The following NEK11 variants were observed in gnomAD, a reference collection of about 807,000 sequenced individuals.
The protein encoded by NEK11 is NIMA related kinase 11, also known as serine/threonine-protein kinase Nek11.
Under a neutral mutation model 80.7 loss-of-function variants are expected in NEK11, and 72 were observed. The observed-to-expected ratio is 0.89, with a 90% CI of 0.74 to 1.08. The LOEUF is 1.08. Among genes scored for constraint, NEK11 ranks in the 50% least tolerant of loss-of-function variants. The pLI is 0.00. For synonymous variants in NEK11, 251 were observed against 260.7 expected (o/e 0.96, Z 0.36); for missense variants, 764 against 763.6 (o/e 1.00, Z -0.01).
At chr3:131,174,904 T>TGCTTA (rs2092920313) in intron 14 of NEK11, 1 of 1,469,972 alleles carries the variant, frequency 6.8e-7, no homozygotes, top group Non-Finnish European at 9.0e-7. Context: ...AGGCCTTGGC[T>TGCTTA]GCTTACCCAC....
intron 17 of NEK11, among the ~76,000 whole-genome samples, chr3:131,307,926 G>A (rs2096738801): frequency 6.6e-6 from 1 of 152,244 alleles, no homozygotes; most frequent in Admixed American, 6.5e-5. Context: ...AGTACCTAGA[G>A]AATTTATAAT....
rs189757725 is a variant in NEK11 at position 131,181,611 on chromosome 3, T to C, written c.1399+10724T>C. Among the ~76,000 whole-genome samples the C allele has an allele frequency of 3.9e-5, 6 of 151,994 alleles. No homozygotes were observed. The East Asian group carries it at 1.2e-3, about 29-fold the overall frequency. On this transcript the variant is annotated intron_variant, in intron 14 of 17. Transcript: ENST00000383366. ...AATACAAAAAATTAGCAGGGTGTGGTGGCGGGCGCCTGTAGTCCCAGCTAC... is the reference window on the plus strand; with the variant it reads ...AATACAAAAAATTAGCAGGGTGTGGCGGCGGGCGCCTGTAGTCCCAGCTAC...
Position 131,273,373 on chromosome 3 carries a change from T to C in NEK11, c.1622-105T>C, listed in dbSNP as rs538909874. 5 of 734,662 alleles carry C rather than the reference T, an allele frequency of 6.8e-6. No homozygotes were observed. In the East Asian group the frequency reaches 1.1e-4, roughly 16 times the overall value. The allele number at this position is 734,662 out of a possible 1,614,324, so 45.5% of individuals were successfully genotyped here. Reference sequence around the variant, plus strand: ...ATCTCTAATTAATGTAGCATTACCATGTGGCAAAGGTGGATTAGCTTCTGT... The same window carrying C: ...ATCTCTAATTAATGTAGCATTACCACGTGGCAAAGGTGGATTAGCTTCTGT... On this transcript the variant is annotated intron_variant, in intron 16 of 17. Transcript: ENST00000383366.
chr3:131,195,542 C>T (rs2150323452), intron 14 of NEK11, among the ~76,000 whole-genome samples: 1 of 152,128 alleles, frequency 6.6e-6, no homozygotes, highest in Admixed American at 6.6e-5. Context: ...TGCAGAGAAT[C>T]CTTCCCTGAG....
At chr3:131,163,913 C>T (rs1008099044) in intron 11 of NEK11, among the ~76,000 whole-genome samples, 1 of 152,092 alleles carries the variant, frequency 6.6e-6, no homozygotes, top group African/African-American at 2.4e-5. Context: ...TATCAAATTT[C>T]CAAATTTTTC....
chr3:131,071,213 G>A (rs1016837655), intron 3 of NEK11, among the ~76,000 whole-genome samples: 1 of 152,034 alleles, frequency 6.6e-6, no homozygotes, highest in Non-Finnish European at 1.5e-5. Flanking sequence ...AGCTATTCCA[G>A]CAAGTATGTT....
chr3:131,171,563 A>G (rs1332053473), intron 14 of NEK11, among the ~76,000 whole-genome samples: 4 of 152,242 alleles, frequency 2.6e-5, no homozygotes, highest in African/African-American at 9.6e-5. Flanking sequence ...GCCCTATCAG[A>G]GAAGGCCCTG....
intron 12 of NEK11, 48 bp from the exon 13 acceptor site, chr3:131,168,782 A>G (rs114592630): frequency 0.033 from 47,362 of 1,416,130 alleles, 911 homozygotes; most frequent in Non-Finnish European, 0.039. Flanking sequence ...TAGATGAAGA[A>G]AGACTTGGAA....
intron 5 of NEK11, among the ~76,000 whole-genome samples, chr3:131,115,974 C>CTTTCTTTCTT (rs2081131579): frequency 7.8e-6 from 1 of 127,526 alleles, no homozygotes; most frequent in East Asian, 2.3e-4. Context: ...TTCTTTCTTT[C>CTTTCTTTCTT]TTTCTTTCTT....
chr3:131,050,394 C>T (rs572486927), intron 3 of NEK11, among the ~76,000 whole-genome samples: 3 of 152,246 alleles, frequency 2.0e-5, no homozygotes, highest in South Asian at 2.1e-4. Flanking sequence ...CCCTGCTGGT[C>T]GTGCTGCACG....
At chr3:131,219,491 G>T (rs1580397134) in intron 14 of NEK11, among the ~76,000 whole-genome samples, 1 of 151,452 alleles carries the variant, frequency 6.6e-6, no homozygotes, top group African/African-American at 2.4e-5. Flanking sequence ...AAACCATCAG[G>T]ACGCGTGTGT....
intron 17 of NEK11, among the ~76,000 whole-genome samples, chr3:131,278,640 C>A (rs1392959711): frequency 4.6e-5 from 7 of 152,092 alleles, no homozygotes; most frequent in South Asian, 4.1e-4. Context: ...AAAAAGGAGA[C>A]CCTGTGGAAT....
At chr3:131,174,883 T>C in intron 14 of NEK11, 1 of 1,516,034 alleles carries the variant, frequency 6.6e-7, no homozygotes, top group East Asian at 2.4e-5. Context: ...ATGTGGAGAA[T>C]GCAGTGAAGT....
intron 17 of NEK11, among the ~76,000 whole-genome samples, chr3:131,308,926 A>G (rs1034041564): frequency 2.6e-5 from 4 of 152,292 alleles, no homozygotes; most frequent in South Asian, 2.1e-4. Flanking sequence ...TCTCATAAGG[A>G]GCACGCAACC....
chr3:131,311,641 T>A (rs985326662), intron 17 of NEK11, among the ~76,000 whole-genome samples: 4 of 152,176 alleles, frequency 2.6e-5, no homozygotes, highest in Admixed American at 2.6e-4. Context: ...TATTGCTGAG[T>A]GAATAATGTT....
intron 14 of NEK11, among the ~76,000 whole-genome samples, chr3:131,198,500 G>A (rs1479171199): frequency 1.3e-5 from 2 of 152,186 alleles, no homozygotes; most frequent in Non-Finnish European, 2.9e-5. Context: ...TTAGCAGTGA[G>A]TATGCCATTC....
At chr3:131,293,035 AAGG>A (rs1429150705) in intron 17 of NEK11, among the ~76,000 whole-genome samples, 2 of 152,122 alleles carry the variant, frequency 1.3e-5, no homozygotes, top group Admixed American at 6.6e-5. Context: ...GTCATCACTG[AAGG>A]AGAACATTAT....
chr3:131,177,836 G>T (rs140316347), intron 14 of NEK11, among the ~76,000 whole-genome samples: 206 of 152,300 alleles, frequency 1.4e-3, no homozygotes, highest in African/African-American at 4.8e-3. Context: ...TATCACTCAC[G>T]TGAATACAGT....
At chr3:131,248,474 GA>G (rs746026044) in intron 16 of NEK11, among the ~76,000 whole-genome samples, 1 of 152,028 alleles carries the variant, frequency 6.6e-6, no homozygotes, top group Non-Finnish European at 1.5e-5. Flanking sequence ...TTTGGGTCTG[GA>G]AAAATGCTTG....
Sources: gnomAD v4.1 joint callset for allele counts (sites outside exome capture counted in the v4.1 genomes callset) on GRCh38, gnomAD v4.1.1 for gene constraint, MANE v1.5 for transcripts, NCBI Gene and HGNC (gene_info 2026-07-23, HGNC 2026-07-21) for gene names.